HARBI1: variants seen among roughly 807,000 people sequenced by gnomAD.
The protein encoded by HARBI1 is harbinger transposase derived 1, also known as putative nuclease HARBI1.
In HARBI1, 15 loss-of-function variants were observed where a neutral mutation model predicts 25.3. The observed-to-expected ratio is 0.59, with a 90% confidence interval of 0.40 to 0.91. HARBI1 has a LOEUF of 0.91. Among genes scored for constraint, HARBI1 ranks in the 40% least tolerant of loss-of-function variants. The pLI, the probability that HARBI1 is intolerant of heterozygous loss-of-function variation, is 0.00. For missense variants in HARBI1, 396 were observed against 445.8 expected (o/e 0.89, Z 1.01); for synonymous variants, 168 against 160.5 (o/e 1.05, Z -0.35).
intron 2 of HARBI1, among the ~76,000 whole-genome samples, chr11:46,613,559 T>G (rs560127848): frequency 3.7e-4 from 55 of 147,322 alleles, no homozygotes; most frequent in Admixed American, 3.6e-3. Flanking sequence ...CTTGGCTCAC[T>G]GCAACCTCCA....
At chr11:46,610,174 G>C (rs2045118433) in intron 2 of HARBI1, among the ~76,000 whole-genome samples, 1 of 151,648 alleles carries the variant, frequency 6.6e-6, no homozygotes. Flanking sequence ...AACAAAATTA[G>C]CCAGGCATGA....
chr11:46,616,491 T>C, intron 1 of HARBI1, 110 bp from the exon 2 acceptor site: 4 of 1,309,338 alleles, frequency 3.1e-6, no homozygotes, highest in Non-Finnish European at 3.9e-6. Context: ...AGGCAAAACG[T>C]ACTGTACTTA....
intron 2 of HARBI1, among the ~76,000 whole-genome samples, chr11:46,611,710 C>CAAAA (rs1189904249): frequency 2.6e-5 from 2 of 76,570 alleles, no homozygotes; most frequent in Non-Finnish European, 5.5e-5. Context: ...GACCCCGTGA[C>CAAAA]AAAAAAAAAA....
chr11:46,614,587 AT>A lies in HARBI1; in HGVS notation c.670+980del, dbSNP rs2045305541. Reference sequence around the variant, plus strand: ...TCTGCCTCTACACAAAATAAAAAAAATAAAAATAAAATAAGAAAAAAAAGTT... The same window carrying A: ...TCTGCCTCTACACAAAATAAAAAAAAAAAAATAAAATAAGAAAAAAAAGTT... On this transcript the variant is annotated intron_variant, in intron 2 of 2. Transcript: ENST00000326737. 3.3e-5 allele frequency among the ~76,000 whole-genome samples: 5 copies of A among 152,140 alleles called. No individual in the cohort carries two copies. The South Asian group carries it at 1.0e-3, about 31-fold the overall frequency.
chr11:46,610,202 C>T (rs1010177458), intron 2 of HARBI1, among the ~76,000 whole-genome samples: 14 of 151,918 alleles, frequency 9.2e-5, no homozygotes, highest in Non-Finnish European at 1.8e-4. Context: ...CACCTATGGT[C>T]CCAACTACTC....
rs1591266019 is a variant in HARBI1, at chr11:46,615,800, C to T, written c.438G>A (p.Gly146=). Reference sequence around the variant, plus strand: ...TGGCCACATGGATACAGTCAACCACCCCCATCACCCCTGGCATCCCTGCCA... The same window carrying T: ...TGGCCACATGGATACAGTCAACCACTCCCATCACCCCTGGCATCCCTGCCA... ...YGLAGMPGVM[G]VVDCIHVAIK... Residue 146 remains glycine, a synonymous_variant, in exon 2 of 3, where the codon GGG becomes GGA. Transcript: ENST00000326737. 6.2e-7 allele frequency: 1 copy of T among 1,614,156 alleles called. No individual in the cohort carries two copies. Among genetic ancestry groups the T allele is most frequent in the Non-Finnish European group, 8.5e-7 (1 of 1,180,030 alleles).
In HARBI1 at chr11:46,603,639, A is replaced by G; in HGVS notation, c.941T>C (p.Met314Thr). ...CGGGGGCTGTTCCATGGGTCCTGTC[A>G]TTGGAGAGGACCAAACATCCATCCC... is the stretch of plus-strand genomic sequence containing the variant. ...EHGMDVWSSP[M>T]TGPMEQPPEE... Residue 314 changes from methionine (M) to threonine (T), a missense_variant, in exon 3 of 3, where the codon ATG becomes ACG. Coordinates refer to ENST00000326737, the MANE Select transcript of HARBI1 (RefSeq NM_173811.4). The G allele has an allele frequency of 6.2e-7, 1 of 1,614,190 alleles. No individual in the cohort carries two copies. The highest frequency in any genetic ancestry group is 8.5e-7 in the Non-Finnish European group (1 of 1,180,024).
intron 1 of HARBI1, chr11:46,616,861 A>AC (rs2045553490): frequency 3.2e-6 from 3 of 935,734 alleles, no homozygotes; most frequent in African/African-American, 1.9e-5. Context: ...AAAAAAAAAA[A>AC]ACAACCAAAG....
Position 46,616,026 on chromosome 11 carries a change from G to A in HARBI1, c.212C>T (p.Thr71Ile). The change falls in exon 2 of 3, where the codon ACA becomes ATA. Residue 71 changes from threonine to isoleucine, a missense_variant. Physicochemically the swap from Thr to Ile is moderately conservative, Grantham distance 89 (BLOSUM62 -1). Transcript: ENST00000326737. ...TQRSRAISPETQVLAALGFYT... is the reference protein window; with the variant it reads ...TQRSRAISPEIQVLAALGFYT... ...AAAACCCAATGCTGCAAGGACCTGT[G>A]TCTCTGGGCTAATAGCCCTGGATCG... The A allele has an allele frequency of 6.2e-7, 1 of 1,614,222 alleles. No individual in the cohort carries two copies. Among genetic ancestry groups the A allele is most frequent in the Non-Finnish European group, 8.5e-7 (1 of 1,180,040 alleles).
Position 46,616,198 on chromosome 11 carries a change from G to C in HARBI1, c.40C>G (p.Leu14Val). The stretch of plus-strand genomic sequence containing the variant: ...AATGTCCGGTGACCACGGCCATATA[G>C]CAAGAGGTCACAGTCAAGCACTGTT... ...PITVLDCDLL[L>V]YGRGHRTLDR... The change falls in exon 2 of 3, where the codon CTA becomes GTA. Residue 14 changes from leucine to valine, a missense_variant. Transcript: ENST00000326737. 6.2e-7 allele frequency: 1 copy of C among 1,612,396 alleles called. No individual in the cohort carries two copies. The highest frequency in any genetic ancestry group is 8.5e-7 in the Non-Finnish European group (1 of 1,180,020).
chr11:46,615,795 A>G lies in HARBI1; in HGVS notation c.443T>C (p.Val148Ala), dbSNP rs1591265883. ...LAGMPGVMGV[V>A]DCIHVAIKAP... Reference sequence around the variant, plus strand: ...CTTGATGGCCACATGGATACAGTCAACCACCCCCATCACCCCTGGCATCCC... The same window carrying G: ...CTTGATGGCCACATGGATACAGTCAGCCACCCCCATCACCCCTGGCATCCC... Residue 148 changes from valine to alanine, a missense_variant, in exon 2 of 3, where the codon GTT becomes GCT. Val to Ala is a moderately conservative substitution (Grantham distance 64). Transcript: ENST00000326737. 1 of 1,614,170 alleles carries G rather than the reference A, an allele frequency of 6.2e-7. No homozygotes were observed. Among genetic ancestry groups the G allele is most frequent in the African/African-American group, 1.3e-5 (1 of 75,030 alleles).
At position 46,605,972 on chromosome 11, in the gene HARBI1, G is replaced by A. The variant is rs537698539; in HGVS notation, c.671-2063C>T. Among the ~76,000 whole-genome samples, 10 of 151,210 alleles carry A rather than the reference G, an allele frequency of 6.6e-5. No homozygotes were observed. In the South Asian group the frequency reaches 1.3e-3, roughly 19 times the overall value. Reference sequence around the variant, plus strand: ...ATGATCTCGGCTCACTGCAACCTCCGCCTCACAGTTTCAAGCAATTCTCCT... The same window carrying A: ...ATGATCTCGGCTCACTGCAACCTCCACCTCACAGTTTCAAGCAATTCTCCT... On this transcript the variant is annotated intron_variant, in intron 2 of 2. Transcript: ENST00000326737.
Position 46,616,070 on chromosome 11 carries a change from A to C in HARBI1, c.168T>G (p.Asn56Lys), listed in dbSNP as rs757926662. Residue 56 changes from asparagine to lysine, a missense_variant, in exon 2 of 3, where the codon AAT (asparagine) becomes AAG (lysine). By Grantham distance (94) the Asn-to-Lys change is moderately conservative (BLOSUM62 0). Transcript: ENST00000326737. ...TGGATCGCTGAGTAGGCCTAGAAAGATTCGCCCCCAAGAGCTCCACCAAGT... is the reference window on the plus strand; with the variant it reads ...TGGATCGCTGAGTAGGCCTAGAAAGCTTCGCCCCCAAGAGCTCCACCAAGT... ...IYYLVELLGA[N>K]LSRPTQRSRA... 6.2e-7 allele frequency: 1 copy of C among 1,614,206 alleles called. No individual in the cohort carries two copies. Among genetic ancestry groups the C allele is most frequent in the Non-Finnish European group, 8.5e-7 (1 of 1,180,038 alleles).
intron 2 of HARBI1, among the ~76,000 whole-genome samples, chr11:46,613,601 G>A (rs2045268117): frequency 6.7e-6 from 1 of 149,354 alleles, no homozygotes; most frequent in African/African-American, 2.5e-5. Context: ...TCCTACCTCA[G>A]CCTCCCAAGT....
At chr11:46,617,549 C>CCG (rs1555033347), upstream of HARBI1, 269 of 274,812 alleles carry the variant, frequency 9.8e-4, 11 homozygotes, top group African/African-American at 6.7e-3. Context: ...CACCCCCCCC[C>CCG]CCCGGCCATT....
Position 46,616,090 on chromosome 11 carries a change from C to T in HARBI1, c.148G>A (p.Val50Met). ...GAAAGATTCGCCCCCAAGAGCTCCA[C>T]CAAGTAATAAATGAACTGCCGTGGA... ...GFPRQFIYYL[V>M]ELLGANLSRP... is the part of the protein sequence containing the mutation. Residue 50 changes from valine to methionine, a missense_variant, in exon 2 of 3, where the codon GTG becomes ATG. Physicochemically the swap from Val to Met is conservative, Grantham distance 21. Transcript: ENST00000326737. The T allele has an allele frequency of 6.2e-7, 1 of 1,614,180 alleles. No individual in the cohort carries two copies. The highest frequency in any genetic ancestry group is 8.5e-7 in the Non-Finnish European group (1 of 1,180,026).
chr11:46,614,535 A>T (rs2045303508), intron 2 of HARBI1, among the ~76,000 whole-genome samples: 1 of 152,150 alleles, frequency 6.6e-6, no homozygotes, highest in South Asian at 2.1e-4. Flanking sequence ...CAGGAGCTCA[A>T]GACTAGTCTG....
At chr11:46,607,259 CAAAAAAAAAA>C in intron 2 of HARBI1, among the ~76,000 whole-genome samples, 1 of 71,708 alleles carries the variant, frequency 1.4e-5, no homozygotes, top group Admixed American at 1.7e-4. Context: ...GAGACTGTCT[CAAAAAAAAAA>C]AAAAAAAAAA....
intron 1 of HARBI1, chr11:46,616,908 G>GT (rs1488633806): frequency 1.0e-6 from 1 of 977,114 alleles, no homozygotes; most frequent in African/African-American, 1.9e-5. Flanking sequence ...ACTGTGTGCT[G>GT]TAACAAAAGG....
Sources: allele counts gnomAD v4.1 joint callset (sites outside exome capture counted in the v4.1 genomes callset), GRCh38; gene constraint gnomAD v4.1.1; transcripts MANE v1.5; gene names NCBI Gene and HGNC (gene_info 2026-07-23, HGNC 2026-07-21).